NRG3: variants seen among roughly 807,000 people sequenced by gnomAD.
NRG3 encodes the protein neuregulin 3, also known as pro-neuregulin-3, membrane-bound isoform.
A neutral mutation model predicts 66.9 loss-of-function variants in NRG3; 31 were observed. The observed-to-expected ratio is 0.46, with a 90% CI of 0.35 to 0.63. NRG3 has a LOEUF of 0.63. Ranked by LOEUF, NRG3 falls within the 20% of genes least tolerant of loss-of-function variation. The pLI, the probability that NRG3 is intolerant of heterozygous loss-of-function variation, is 0.00. For missense variants in NRG3, 910 were observed against 878.9 expected (o/e 1.04, Z -0.45); for synonymous variants, 393 against 359.4 (o/e 1.09, Z -1.06).
intron 1 of NRG3, among the ~76,000 whole-genome samples, chr10:82,260,890 C>G (rs1338755083): frequency 6.6e-6 from 1 of 152,114 alleles, no homozygotes. Flanking sequence ...AGTTGATAGG[C>G]TTGGAAATTT....
intron 2 of NRG3, among the ~76,000 whole-genome samples, chr10:82,486,709 G>A (rs1842707789): frequency 6.6e-6 from 1 of 152,146 alleles, no homozygotes; most frequent in South Asian, 2.1e-4. Context: ...ACCACACCCG[G>A]CCACAATGGA....
chr10:82,501,129 G>A (rs1844140854), intron 2 of NRG3, among the ~76,000 whole-genome samples: 1 of 152,116 alleles, frequency 6.6e-6, no homozygotes, highest in African/African-American at 2.4e-5. Flanking sequence ...GCTGGTGAGA[G>A]GGATCCAAGC....
intron 1 of NRG3, among the ~76,000 whole-genome samples, chr10:82,357,033 GT>G (rs959238513): frequency 6.6e-6 from 1 of 152,190 alleles, no homozygotes; most frequent in African/African-American, 2.4e-5. Context: ...GTTGAATGCA[GT>G]GATGAAAGTG....
rs538184735 is a variant in NRG3 at position 82,982,445 on chromosome 10, T to C, written c.1584-2653T>C. On this transcript the variant is annotated intron_variant, in intron 8 of 8. Coordinates refer to ENST00000372141, the MANE Select transcript of NRG3 (RefSeq NM_001010848.4). ...ATGGACCGAACTTGTGGAAGCATCA[T>C]TGGCCCTCAAGAGATACAGAACTTT... Among the ~76,000 whole-genome samples, 16 of 152,270 alleles carry C rather than the reference T, an allele frequency of 1.1e-4. No individual in the cohort carries two copies. The East Asian group carries it at 2.3e-3, about 22-fold the overall frequency.
intron 1 of NRG3, among the ~76,000 whole-genome samples, chr10:82,332,138 C>T (rs965524824): frequency 6.6e-6 from 1 of 152,198 alleles, no homozygotes; most frequent in Non-Finnish European, 1.5e-5. Flanking sequence ...TCATTGATTT[C>T]TTTGGAGCCA....
At chr10:82,790,900 C>G (rs112782209) in intron 3 of NRG3, among the ~76,000 whole-genome samples, 4,177 of 151,766 alleles carry the variant, frequency 0.028, 75 homozygotes, top group Middle Eastern at 0.075. Context: ...TTGCCCATTT[C>G]AATGACACAT....
intron 2 of NRG3, among the ~76,000 whole-genome samples, chr10:82,734,636 C>A (rs1412841834): frequency 6.6e-6 from 1 of 152,062 alleles, no homozygotes; most frequent in Admixed American, 6.6e-5. Flanking sequence ...CTCTACTCTG[C>A]TTTGCACATG....
chr10:81,993,632 C>T (rs961096102), intron 1 of NRG3, among the ~76,000 whole-genome samples: 2 of 152,138 alleles, frequency 1.3e-5, no homozygotes, highest in Non-Finnish European at 2.9e-5. Flanking sequence ...CAGGCATAAA[C>T]CATGCACCCA....
intron 6 of NRG3, among the ~76,000 whole-genome samples, chr10:82,970,523 A>T (rs985380620): frequency 6.6e-6 from 1 of 152,066 alleles, no homozygotes; most frequent in Non-Finnish European, 1.5e-5. Context: ...ACTCTTTGCC[A>T]TATGTATGTT....
intron 1 of NRG3, among the ~76,000 whole-genome samples, chr10:82,296,546 G>A (rs913837479): frequency 1.3e-5 from 2 of 152,216 alleles, no homozygotes; most frequent in Non-Finnish European, 2.9e-5. Context: ...AATAGTATTT[G>A]TACATGTTTA....
chr10:82,782,108 C>T (rs1197204501), intron 3 of NRG3, among the ~76,000 whole-genome samples: 1 of 152,116 alleles, frequency 6.6e-6, no homozygotes, highest in Non-Finnish European at 1.5e-5. Flanking sequence ...CATTCTTCTT[C>T]AGTACTATGG....
At chr10:82,885,751 G>A (rs1280470879) in intron 4 of NRG3, among the ~76,000 whole-genome samples, 2 of 152,116 alleles carry the variant, frequency 1.3e-5, no homozygotes, top group African/African-American at 4.8e-5. Flanking sequence ...CTTTTGAGAC[G>A]GGGTTTCACC....
chr10:82,370,505 C>A (rs2084814336), intron 2 of NRG3, among the ~76,000 whole-genome samples: 1 of 117,488 alleles, frequency 8.5e-6, no homozygotes, highest in Admixed American at 7.8e-5. Flanking sequence ...CAAAAGGCAA[C>A]TTTTTGGGCA....
chr10:82,334,136 CAAAAA>C (rs34320765), intron 1 of NRG3, among the ~76,000 whole-genome samples: 7 of 89,904 alleles, frequency 7.8e-5, no homozygotes, highest in African/African-American at 1.7e-4. Flanking sequence ...CATGGCGTCT[CAAAAA>C]AAAAAAAAAA....
At chr10:82,530,936 T>A (rs1847188639) in intron 2 of NRG3, among the ~76,000 whole-genome samples, 1 of 151,878 alleles carries the variant, frequency 6.6e-6, no homozygotes, top group Non-Finnish European at 1.5e-5. Context: ...AAAAGGCAAT[T>A]TATTTGTTGA....
At position 82,219,378 on chromosome 10, in the gene NRG3, G is replaced by T. The variant is rs748720703; in HGVS notation, c.824-139361G>T. On this transcript the variant is annotated intron_variant, in intron 1 of 8. Coordinates refer to ENST00000372141, the MANE Select transcript of NRG3 (RefSeq NM_001010848.4). Reference sequence around the variant, plus strand: ...GGGGGGCGTAGTCATCCAAACTCGAGATTCGCTGGTCCAGACTGTAAAAAT... The same window carrying T: ...GGGGGGCGTAGTCATCCAAACTCGATATTCGCTGGTCCAGACTGTAAAAAT... Among the ~76,000 whole-genome samples the T allele has an allele frequency of 7.3e-5, 11 of 151,026 alleles. 1 individual carries two copies. The highest frequency in any genetic ancestry group is 2.7e-4 in the Admixed American group (4 of 15,050).
At chr10:82,839,321 A>G (rs1340225870) in intron 3 of NRG3, among the ~76,000 whole-genome samples, 1 of 152,164 alleles carries the variant, frequency 6.6e-6, no homozygotes, top group African/African-American at 2.4e-5. Context: ...TTTTTTAACA[A>G]ACTGATACTT....
chr10:82,467,925 G>T lies in NRG3; in HGVS notation c.953+109057G>T, dbSNP rs977698578. Among the ~76,000 whole-genome samples, 3 of 152,114 alleles carry T rather than the reference G, an allele frequency of 2.0e-5. No homozygotes were observed. The East Asian group carries it at 5.8e-4, about 29-fold the overall frequency. ...GTTGTGTGTGTGTGTATGTGTGTGT[G>T]TGTGTATTTTGAAGGTCATATATTT... is the stretch of plus-strand genomic sequence containing the variant. On this transcript the variant is annotated intron_variant, in intron 2 of 8. Coordinates refer to ENST00000372141, the MANE Select transcript of NRG3 (RefSeq NM_001010848.4).
At chr10:82,083,719 C>T (rs184003647) in intron 1 of NRG3, among the ~76,000 whole-genome samples, 179 of 151,518 alleles carry the variant, frequency 1.2e-3, no homozygotes, top group African/African-American at 4.0e-3. Context: ...CTCAGCCTCC[C>T]GAGTAGCTGG....
Sources: allele counts gnomAD v4.1 joint callset (sites outside exome capture counted in the v4.1 genomes callset), GRCh38; gene constraint gnomAD v4.1.1; transcripts MANE v1.5; gene names NCBI Gene and HGNC (gene_info 2026-07-23, HGNC 2026-07-21).